MYRIP: variants seen among roughly 807,000 people sequenced by gnomAD.
MYRIP encodes the protein rab effector MyRIP.
A neutral mutation model predicts 98.0 loss-of-function variants in MYRIP; 49 were observed. The ratio of observed to expected loss-of-function variants is 0.50; its 90% CI spans 0.40 to 0.63. The LOEUF (loss-of-function observed/expected upper bound fraction) is 0.63. Ranked by LOEUF, MYRIP falls within the 30% of genes least tolerant of loss-of-function variation. The pLI is 0.00. For missense variants in MYRIP, 1,004 were observed against 1,058.2 expected (o/e 0.95, Z 0.71); for synonymous variants, 404 against 409.5 (o/e 0.99, Z 0.16).
At chr3:40,178,279 A>G (rs764227192) in intron 8 of MYRIP, among the ~76,000 whole-genome samples, 9 of 152,200 alleles carry the variant, frequency 5.9e-5, no homozygotes, top group Non-Finnish European at 7.3e-5. Flanking sequence ...GCTGCTGCCC[A>G]CACAGGAGAT....
At chr3:39,906,075 A>G (rs1301378660) in intron 2 of MYRIP, among the ~76,000 whole-genome samples, 1 of 151,922 alleles carries the variant, frequency 6.6e-6, no homozygotes, top group African/African-American at 2.4e-5. Context: ...AGATATGGGT[A>G]TGAGTCCTTC....
At chr3:40,137,312 C>T (rs1408113159) in intron 3 of MYRIP, among the ~76,000 whole-genome samples, 1 of 152,192 alleles carries the variant, frequency 6.6e-6, no homozygotes, top group Non-Finnish European at 1.5e-5. Context: ...TCGACACATA[C>T]AGTCTCCCAA....
At chr3:39,942,937 T>C (rs1445528255) in intron 2 of MYRIP, among the ~76,000 whole-genome samples, 3 of 152,214 alleles carry the variant, frequency 2.0e-5, no homozygotes, top group African/African-American at 7.2e-5. Context: ...GTGTGGCTTA[T>C]TTCACTTAAC....
chr3:40,251,231 C>CTTGGTTCTGCTATTGATCAT lies in MYRIP; in HGVS notation c.2429-647_2429-628dup, dbSNP rs569634793. 2.2e-4 allele frequency among the ~76,000 whole-genome samples: 34 copies of CTTGGTTCTGCTATTGATCAT among 152,266 alleles called. No individual in the cohort carries two copies. The South Asian group carries it at 6.4e-3, about 29-fold the overall frequency. Reference sequence around the variant, plus strand: ...AAAGTCCAAAAATGTGCATTTGGGCCTTGGTTCTGCTATTGATCATTTAAC... The same window carrying CTTGGTTCTGCTATTGATCAT: ...AAAGTCCAAAAATGTGCATTTGGGCCTTGGTTCTGCTATTGATCATTTGGTTCTGCTATTGATCATTTAAC... On this transcript the variant is annotated intron_variant, in intron 15 of 16. Transcript: ENST00000302541.
chr3:40,101,866 G>A (rs940556477), intron 3 of MYRIP, among the ~76,000 whole-genome samples: 3 of 152,140 alleles, frequency 2.0e-5, no homozygotes, highest in Non-Finnish European at 1.5e-5. Context: ...ACCCAGGACT[G>A]GCAGTTTACC....
chr3:40,219,762 C>A (rs1185871303), intron 11 of MYRIP, among the ~76,000 whole-genome samples: 1 of 152,012 alleles, frequency 6.6e-6, no homozygotes, highest in Non-Finnish European at 1.5e-5. Context: ...GGTTCCAAGT[C>A]TTTGCTATTG....
At chr3:39,923,648 A>C (rs968648210) in intron 2 of MYRIP, among the ~76,000 whole-genome samples, 3 of 152,170 alleles carry the variant, frequency 2.0e-5, no homozygotes, top group Admixed American at 6.5e-5. Flanking sequence ...ACCTTTGCTA[A>C]GGAAGTGATA....
chr3:40,204,216 T>TATATAATATATTATATA (rs1951730247), intron 10 of MYRIP, among the ~76,000 whole-genome samples: 997 of 10,332 alleles, frequency 0.096, 136 homozygotes, highest in East Asian at 0.17. Context: ...ATTTATATAT[T>TATATAATATATTATATA]ATATATAAAT....
At chr3:40,232,462 C>T (rs1481434056) in intron 11 of MYRIP, among the ~76,000 whole-genome samples, 1 of 152,174 alleles carries the variant, frequency 6.6e-6, no homozygotes, top group African/African-American at 2.4e-5. Flanking sequence ...CGGAGGAACA[C>T]ATTTTGCAAA....
At chr3:40,115,746 C>G (rs1259161329) in intron 3 of MYRIP, among the ~76,000 whole-genome samples, 1 of 151,514 alleles carries the variant, frequency 6.6e-6, no homozygotes, top group African/African-American at 2.4e-5. Context: ...ACTCAAAAAG[C>G]TAGACTCAGG....
At chr3:40,232,282 A>C (rs1367932675) in intron 11 of MYRIP, among the ~76,000 whole-genome samples, 1 of 152,224 alleles carries the variant, frequency 6.6e-6, no homozygotes, top group African/African-American at 2.4e-5. Context: ...CTCACCCCAG[A>C]ACGGCTTGAC....
intron 1 of MYRIP, among the ~76,000 whole-genome samples, chr3:39,879,418 T>C (rs1216148379): frequency 6.6e-6 from 1 of 151,914 alleles, no homozygotes; most frequent in Non-Finnish European, 1.5e-5. Context: ...CAATTGTTGA[T>C]GGTATATTGA....
chr3:40,213,503 T>C (rs1412822472), intron 11 of MYRIP, among the ~76,000 whole-genome samples: 2 of 152,126 alleles, frequency 1.3e-5, no homozygotes, highest in African/African-American at 4.8e-5. Context: ...CTTGATGCTA[T>C]GCAGAGTGTA....
chr3:40,067,730 G>T (rs796389370), intron 3 of MYRIP, among the ~76,000 whole-genome samples: 1 of 150,500 alleles, frequency 6.6e-6, no homozygotes, highest in East Asian at 2.0e-4. Flanking sequence ...TTTCTGGTAC[G>T]CACGAGATAC....
At chr3:40,028,742 G>A (rs544746423) in intron 2 of MYRIP, among the ~76,000 whole-genome samples, 1 of 152,188 alleles carries the variant, frequency 6.6e-6, no homozygotes, top group Non-Finnish European at 1.5e-5. Flanking sequence ...CAGGTAGCCT[G>A]TCTTGCATCA....
In MYRIP at chr3:40,165,354, T is replaced by C. The variant is rs549721406; in HGVS notation, c.551-1492T>C. 5.9e-5 allele frequency among the ~76,000 whole-genome samples: 9 copies of C among 152,380 alleles called. No individual in the cohort carries two copies. The South Asian group carries it at 1.7e-3, about 28-fold the overall frequency. ...TGCCAAATGATACTTTCTGTCTACA[T>C]TTTTGTCCTTAAGAGCCTAAGAAGC... is the stretch of plus-strand genomic sequence containing the variant. On this transcript the variant is annotated intron_variant, in intron 5 of 16. Transcript: ENST00000302541.
chr3:40,148,011 G>A (rs1238305781), intron 3 of MYRIP, among the ~76,000 whole-genome samples: 1 of 152,264 alleles, frequency 6.6e-6, no homozygotes, highest in East Asian at 1.9e-4. Context: ...TTACATGTCT[G>A]AAAATGTCTT....
intron 2 of MYRIP, among the ~76,000 whole-genome samples, chr3:39,920,825 T>C (rs907632312): frequency 6.6e-6 from 1 of 152,204 alleles, no homozygotes; most frequent in Non-Finnish European, 1.5e-5. Context: ...CCTAGCACCA[T>C]AGTGAGGGAG....
intron 1 of MYRIP, among the ~76,000 whole-genome samples, chr3:39,824,141 T>C (rs1941198815): frequency 6.6e-6 from 1 of 152,212 alleles, no homozygotes; most frequent in African/African-American, 2.4e-5. Context: ...TTGGTGCCTT[T>C]GTCAAAAATC....
Sources: allele counts gnomAD v4.1 joint callset (sites outside exome capture counted in the v4.1 genomes callset), GRCh38; gene constraint gnomAD v4.1.1; transcripts MANE v1.5; gene names NCBI Gene and HGNC (gene_info 2026-07-23, HGNC 2026-07-21).